Variants in DDI2 observed in about 807,000 individuals in gnomAD.
DDI2 encodes the protein DDI proteasomal shuttling factor 2.
DDI2 carries 5 observed loss-of-function variants against 48.1 expected under a neutral mutation model. That is an observed-to-expected ratio of 0.10 (90% CI 0.05 to 0.22). The LOEUF is 0.22. DDI2 is among the 10% of genes least tolerant of loss of function. The probability of loss-of-function intolerance (pLI) is 1.00; values close to 1 mark genes in which losing one functional copy is unlikely to be tolerated. For missense variants in DDI2, 285 were observed against 506.2 expected (o/e 0.56, Z 4.19); for synonymous variants, 205 against 183.6 (o/e 1.12, Z -0.94).
chr1:15,625,056 CTA>C (rs780346946), intron 1 of DDI2, among the ~76,000 whole-genome samples: 5 of 152,160 alleles, frequency 3.3e-5, no homozygotes, highest in African/African-American at 4.8e-5. Context: ...TTCCTCATGT[CTA>C]TAAATTCTGA....
At chr1:15,650,881 G>A (rs1444268156) in intron 7 of DDI2, among the ~76,000 whole-genome samples, 2 of 151,960 alleles carry the variant, frequency 1.3e-5, no homozygotes, top group Non-Finnish European at 2.9e-5. Context: ...TTGAGATAGC[G>A]TCTCGCTCAG....
intron 4 of DDI2, among the ~76,000 whole-genome samples, chr1:15,634,836 C>T (rs551354285): frequency 1.3e-5 from 2 of 152,210 alleles, no homozygotes; most frequent in Admixed American, 1.3e-4. Flanking sequence ...TTAGCCCGTC[C>T]TTCTTCTCAA....
chr1:15,659,324 T>C (rs1191133285), intron 9 of DDI2, among the ~76,000 whole-genome samples: 3 of 152,358 alleles, frequency 2.0e-5, no homozygotes, highest in Non-Finnish European at 4.4e-5. Flanking sequence ...AGAATCATTC[T>C]GGTGCAAAGA....
chr1:15,648,986 A>T (rs1640133950), intron 6 of DDI2, among the ~76,000 whole-genome samples: 2 of 152,116 alleles, frequency 1.3e-5, no homozygotes, highest in Non-Finnish European at 2.9e-5. Flanking sequence ...TAATCCCAGC[A>T]CTTTGGGACG....
Position 15,617,653 on chromosome 1 carries a change from C to CCGGGT in DDI2, c.-13_-9dup, listed in dbSNP as rs757645610. On this transcript the variant is annotated 5_prime_UTR_variant, in exon 1 of 10. Coordinates refer to ENST00000480945, the MANE Select transcript of DDI2 (RefSeq NM_032341.5). ...CCAGGCCGGGCCGAGCCGAGCCGAGCCGGGTCGGGCCCGGGCCATGCTGCT... is the reference window on the plus strand; with the variant it reads ...CCAGGCCGGGCCGAGCCGAGCCGAGCCGGGTCGGGTCGGGCCCGGGCCATGCTGCT... 1.4e-6 allele frequency: 2 copies of CCGGGT among 1,414,058 alleles called. No homozygotes were observed. Among genetic ancestry groups the CCGGGT allele is most frequent in the South Asian group, 1.6e-5 (1 of 63,816 alleles). 87.6% of individuals were successfully genotyped at this position (1,414,058 alleles called of 1,614,324 possible).
intron 1 of DDI2, among the ~76,000 whole-genome samples, chr1:15,618,009 G>A (rs1012713564): frequency 6.6e-6 from 1 of 152,220 alleles, no homozygotes; most frequent in Non-Finnish European, 1.5e-5. Flanking sequence ...ATGGGGTGGG[G>A]TACGAGGAGA....
chr1:15,646,368 C>T (rs895601935), intron 6 of DDI2, among the ~76,000 whole-genome samples: 1 of 152,136 alleles, frequency 6.6e-6, no homozygotes, highest in Non-Finnish European at 1.5e-5. Context: ...CCTGTGGTCT[C>T]TACTATTATA....
intron 1 of DDI2, among the ~76,000 whole-genome samples, chr1:15,624,892 C>G (rs1639728725): frequency 1.3e-5 from 2 of 152,110 alleles, no homozygotes. Flanking sequence ...GCCATCATAC[C>G]AGATCTGAAA....
chr1:15,647,202 C>T lies in DDI2; in HGVS notation c.890-2518C>T, dbSNP rs141775239. On this transcript the variant is annotated intron_variant, in intron 6 of 9. Coordinates refer to ENST00000480945, the MANE Select transcript of DDI2 (RefSeq NM_032341.5). ...TCACTCTGTTGCCCACACTGGAGTG[C>T]GGTGGCGTAATCTTGGCTCACTTCA... 4.7e-3 allele frequency among the ~76,000 whole-genome samples: 716 copies of T among 151,430 alleles called. 5 individuals are homozygous for T. The highest frequency in any genetic ancestry group is 0.016 in the African/African-American group (669 of 41,256).
chr1:15,651,033 G>A (rs1004590600), intron 7 of DDI2, among the ~76,000 whole-genome samples: 2 of 151,206 alleles, frequency 1.3e-5, no homozygotes, highest in African/African-American at 4.9e-5. Context: ...TTTTGTATTT[G>A]TAGTAGAGAC....
chr1:15,654,971 T>G (rs1225111875), intron 8 of DDI2, among the ~76,000 whole-genome samples: 3 of 151,920 alleles, frequency 2.0e-5, no homozygotes, highest in Non-Finnish European at 4.4e-5. Context: ...CTCCACAGTC[T>G]TGGTGCCATT....
rs1640450391 is a variant in DDI2, at chr1:15,666,186, T to G, written c.*6396T>G. ...TCATGGTTCAAGTTTTATACCTTAG[T>G]GATTCCTCAGTAGGTGTTACTAGGA... is the stretch of plus-strand genomic sequence containing the variant. On this transcript the variant is annotated 3_prime_UTR_variant, in exon 10 of 10. Transcript: ENST00000480945. The G allele has an allele frequency of 6.6e-6, 1 of 152,238 alleles. No individual in the cohort carries two copies. The highest frequency in any genetic ancestry group is 1.5e-5 in the Non-Finnish European group (1 of 68,034). The allele number at this position is 152,238 out of a possible 1,614,324, so 9.4% of individuals were successfully genotyped here.
chr1:15,635,886 G>T (rs1639920182), intron 4 of DDI2, among the ~76,000 whole-genome samples: 1 of 152,188 alleles, frequency 6.6e-6, no homozygotes, highest in South Asian at 2.1e-4. Context: ...GTTTAATAAT[G>T]TGCAATAGCA....
intron 7 of DDI2, among the ~76,000 whole-genome samples, chr1:15,650,354 T>A (rs566411968): frequency 6.6e-6 from 1 of 152,308 alleles, no homozygotes; most frequent in South Asian, 2.1e-4. Context: ...GAAGAAGCAG[T>A]TAGTCCACTG....
intron 2 of DDI2, among the ~76,000 whole-genome samples, chr1:15,627,468 C>G (rs1475376997): frequency 6.6e-6 from 1 of 152,064 alleles, no homozygotes; most frequent in African/African-American, 2.4e-5. Context: ...TACAAAGAAA[C>G]GTTTATCTAT....
At position 15,652,058 on chromosome 1, in the gene DDI2, C is replaced by CTTTTTTTTTTTTTTTTTTTT. The variant is rs772990709; in HGVS notation, c.1183+168_1183+187dup. ...TTCTTAACCTCCTTCTTTGATCTTCCTTTTTTTTTTTTTTTTTTTTTTTTG... is the reference window on the plus strand; with the variant it reads ...TTCTTAACCTCCTTCTTTGATCTTCCTTTTTTTTTTTTTTTTTTTTTTTTTTTTTTTTTTTTTTTTTTTTG... On this transcript the variant is annotated intron_variant, in intron 8 of 9. Coordinates refer to ENST00000480945, the MANE Select transcript of DDI2 (RefSeq NM_032341.5). 2.0e-4 allele frequency among the ~76,000 whole-genome samples: 15 copies of CTTTTTTTTTTTTTTTTTTTT among 75,978 alleles called. 2 individuals carry two copies. The highest frequency in any genetic ancestry group is 8.5e-4 in the African/African-American group (13 of 15,222). The allele number at this position is 75,978 out of a possible 152,430, so 49.8% of individuals were successfully genotyped here.
chr1:15,644,061 A>G (rs1640049018), intron 6 of DDI2, among the ~76,000 whole-genome samples: 1 of 152,150 alleles, frequency 6.6e-6, no homozygotes, highest in Non-Finnish European at 1.5e-5. Context: ...ATTTTCTCTT[A>G]GAATTAATAA....
Position 15,667,355 on chromosome 1 carries a change from G to A in DDI2, c.*7565G>A, listed in dbSNP as rs1640469397. 1 of 152,242 alleles carries A rather than the reference G, an allele frequency of 6.6e-6. No individual in the cohort carries two copies. The highest frequency in any genetic ancestry group is 6.5e-5 in the Admixed American group (1 of 15,274). 9.4% of individuals were successfully genotyped at this position (152,242 alleles called of 1,614,324 possible). A position where few individuals can be genotyped will look rare whatever the true frequency, so the allele number is the denominator to read the frequency against. Reference sequence around the variant, plus strand: ...CAGGAAAGAAGTGCAACAAATAAATGGAAGATGACCCTAAAAATGCACCAG... The same window carrying A: ...CAGGAAAGAAGTGCAACAAATAAATAGAAGATGACCCTAAAAATGCACCAG... On this transcript the variant is annotated 3_prime_UTR_variant, in exon 10 of 10. Transcript: ENST00000480945.
At chr1:15,640,815 AC>A (rs1245854230) in intron 5 of DDI2, among the ~76,000 whole-genome samples, 2 of 152,152 alleles carry the variant, frequency 1.3e-5, no homozygotes, top group Non-Finnish European at 2.9e-5. Flanking sequence ...AGTGTAGGGT[AC>A]CTGTGAGTAA....
Sources: allele counts gnomAD v4.1 joint callset (sites outside exome capture counted in the v4.1 genomes callset), GRCh38; gene constraint gnomAD v4.1.1; transcripts MANE v1.5; gene names NCBI Gene and HGNC (gene_info 2026-07-23, HGNC 2026-07-21).